Variants in DSG2 observed in about 807,000 individuals in gnomAD.
DSG2 encodes the protein desmoglein-2.
In DSG2, 45 loss-of-function variants were observed where a neutral mutation model predicts 75.6. The observed-to-expected ratio is 0.60, with a 90% confidence interval of 0.47 to 0.76. The LOEUF is 0.76. Ranked by LOEUF, DSG2 falls within the 30% of genes least tolerant of loss-of-function variation. The probability of loss-of-function intolerance (pLI) is 0.00; values close to 1 mark genes in which losing one functional copy is unlikely to be tolerated. For missense variants in DSG2, 1,267 were observed against 1,357.4 expected, an observed-to-expected ratio of 0.93 and a Z score of 1.05; for synonymous variants, 429 against 483.9, an observed-to-expected ratio of 0.89 and a Z score of 1.49.
Position 31,522,123 on chromosome 18 carries a change from G to T in DSG2, c.564G>T (p.Glu188Asp). 6.2e-7 allele frequency: 1 copy of T among 1,613,876 alleles called. No individual in the cohort carries two copies. Among genetic ancestry groups the T allele is most frequent in the Non-Finnish European group, 8.5e-7 (1 of 1,179,850 alleles). ...AAATCAATGCAACAGATGCAGATGA[G>T]CCCAATACCCTGAATTCGAAAATTT... ...VMKINATDAD[E>D]PNTLNSKISY... The change falls in exon 6 of 15, where the codon GAG becomes GAT. Residue 188 changes from glutamate (E) to aspartate (D), a missense_variant. By Grantham distance (45) the Glu-to-Asp change is conservative. Coordinates refer to ENST00000261590, the MANE Select transcript of DSG2 (RefSeq NM_001943.5).
At position 31,524,930 on chromosome 18, in the gene DSG2, G is replaced by A. The variant is rs777712010; in HGVS notation, c.1014+42G>A. ...CAAAACTGGCGTGGGCCAAGTTGGT[G>A]CTGGAAAGGAATCTAATATATTTTG... On this transcript the variant is annotated intron_variant, in intron 8 of 14. Transcript: ENST00000261590. The A allele has an allele frequency of 4.2e-5, 67 of 1,581,002 alleles. No homozygotes were observed. In the Admixed American group the frequency reaches 1.1e-3, roughly 26 times the overall value.
chr18:31,513,591 T>G (rs1323392441), intron 1 of DSG2, among the ~76,000 whole-genome samples: 1 of 152,172 alleles, frequency 6.6e-6, no homozygotes, highest in African/African-American at 2.4e-5. Context: ...AAAATGCCAA[T>G]AAGCTAGACA....
At chr18:31,519,989 T>G in intron 3 of DSG2, 52 bp downstream of exon 3, 1 of 1,610,732 alleles carries the variant, frequency 6.2e-7, no homozygotes, top group African/African-American at 1.3e-5. Flanking sequence ...AAATGTGGTG[T>G]GAGAGGACTT....
intron 1 of DSG2, among the ~76,000 whole-genome samples, chr18:31,505,818 C>T (rs1016522291): frequency 7.2e-5 from 11 of 151,898 alleles, no homozygotes; most frequent in African/African-American, 1.9e-4. Flanking sequence ...CACGCCACCA[C>T]GCCCATCTAA....
chr18:31,538,630 G>T, intron 11 of DSG2, 121 bp from the exon 12 acceptor site: 1 of 869,298 alleles, frequency 1.2e-6, no homozygotes, highest in South Asian at 1.4e-5. Flanking sequence ...AGTGAAGGAA[G>T]AACAAAGTAC....
chr18:31,541,190 C>T lies in DSG2; in HGVS notation c.1880-3C>T, dbSNP rs2073264462. The T allele has an allele frequency of 6.2e-7, 1 of 1,613,996 alleles. No individual in the cohort carries two copies. Among genetic ancestry groups the T allele is most frequent in the African/African-American group, 1.3e-5 (1 of 74,924 alleles). On this transcript the variant is annotated splice_region_variant and splice_polypyrimidine_tract_variant and intron_variant, in intron 12 of 14. Transcript: ENST00000261590. ...ATCTGTGTTCAATTTTGTGTCTGTA[C>T]AGTGGTACCACTTTTACTGCTGATG...
At chr18:31,542,879 G>T in intron 14 of DSG2, 27 bp downstream of exon 14, 1 of 1,066,580 alleles carries the variant, frequency 9.4e-7, no homozygotes, top group East Asian at 3.5e-5. Context: ...TGTATTGGTG[G>T]TGGGGGGTGG....
Position 31,524,441 on chromosome 18 carries a change from T to A in DSG2, c.691-7T>A. The stretch of plus-strand genomic sequence containing the variant: ...CACCCAGCTGGACATTTTTCATTGC[T>A]CTGCAGGAACACAGCAGCTACACTT... On this transcript the variant is annotated splice_region_variant and splice_polypyrimidine_tract_variant and intron_variant, in intron 6 of 14. Coordinates refer to ENST00000261590, the MANE Select transcript of DSG2 (RefSeq NM_001943.5). The A allele has an allele frequency of 6.2e-7, 1 of 1,614,114 alleles. No individual in the cohort carries two copies. Among genetic ancestry groups the A allele is most frequent in the Non-Finnish European group, 8.5e-7 (1 of 1,179,998 alleles).
intron 1 of DSG2, among the ~76,000 whole-genome samples, chr18:31,508,244 G>T (rs2073049027): frequency 6.6e-6 from 1 of 152,074 alleles, no homozygotes; most frequent in Non-Finnish European, 1.5e-5. Context: ...TAAACCAGGG[G>T]AAAACACTAC....
At chr18:31,531,926 G>A (rs1037692241) in intron 9 of DSG2, among the ~76,000 whole-genome samples, 8 of 152,262 alleles carry the variant, frequency 5.3e-5, no homozygotes, top group African/African-American at 1.2e-4. Context: ...GCCGTGCCAC[G>A]GAAAGACCAT....
intron 1 of DSG2, among the ~76,000 whole-genome samples, chr18:31,507,386 A>G (rs1430808844): frequency 6.6e-6 from 1 of 152,204 alleles, no homozygotes; most frequent in Non-Finnish European, 1.5e-5. Flanking sequence ...CTCAATAAAC[A>G]TATGTGTGCA....
At chr18:31,543,483 A>T (rs573508727) in intron 14 of DSG2, 1 of 152,382 alleles carries the variant, frequency 6.6e-6, no homozygotes, top group South Asian at 2.1e-4. Flanking sequence ...CCACCAAAAA[A>T]TGATGAGAAA....
intron 14 of DSG2, among the ~76,000 whole-genome samples, chr18:31,545,195 G>A (rs1204145622): frequency 6.6e-6 from 1 of 152,120 alleles, no homozygotes; most frequent in Non-Finnish European, 1.5e-5. Context: ...TTTTGATTTG[G>A]AAGTAATTTC....
At chr18:31,543,059 T>G in intron 14 of DSG2, 7 of 481,110 alleles carry the variant, frequency 1.5e-5, no homozygotes, top group Non-Finnish European at 7.2e-6. Flanking sequence ...TATGCTGCAG[T>G]AACCATGATC....
intron 1 of DSG2, among the ~76,000 whole-genome samples, chr18:31,507,987 A>T (rs964347402): frequency 2.0e-5 from 3 of 152,176 alleles, no homozygotes; most frequent in Admixed American, 2.0e-4. Flanking sequence ...TGTTTTAGTC[A>T]TGAAGTCTTT....
Position 31,531,247 on chromosome 18 carries a change from T to C in DSG2, c.1275T>C (p.His425=), listed in dbSNP as rs2073197101. Residue 425 remains histidine, a synonymous_variant, in exon 9 of 15, where the codon CAT becomes CAC. Transcript: ENST00000261590. ...AFDEDTGLPA[H]ARYVKLEDRD... is the part of the protein sequence containing the mutation. ...ATGAGGACACTGGACTACCAGCCCA[T>C]GCAAGGTAAGAGAGAGTGACACGTG... 6.2e-7 allele frequency: 1 copy of C among 1,614,162 alleles called. No individual in the cohort carries two copies. Among genetic ancestry groups the C allele is most frequent in the Non-Finnish European group, 8.5e-7 (1 of 1,180,002 alleles).
rs1438802613 is a variant in DSG2 at position 31,535,345 on chromosome 18, T to C, written c.1356T>C (p.Leu452=). 1 of 1,610,698 alleles carries C rather than the reference T, an allele frequency of 6.2e-7. No homozygotes were observed. The highest frequency in any genetic ancestry group is 1.1e-5 in the South Asian group (1 of 90,844). ...SVTSEIKLAK[L]PDFESRYVQN... ...CATCTGAAATTAAACTTGCAAAACT[T>C]CCTGATTTTGAATCTAGATATGTTC... Residue 452 remains leucine, a synonymous_variant, in exon 10 of 15, where the codon CTT becomes CTC. Coordinates refer to ENST00000261590, the MANE Select transcript of DSG2 (RefSeq NM_001943.5).
rs762894860 is a variant in DSG2, at chr18:31,498,314, G to A, written c.45+18G>A. 3.2e-6 allele frequency: 4 copies of A among 1,258,184 alleles called. No individual in the cohort carries two copies. Among genetic ancestry groups the A allele is most frequent in the Non-Finnish European group, 4.0e-6 (4 of 994,474 alleles). The allele number at this position is 1,258,184 out of a possible 1,614,324, so 77.9% of individuals were successfully genotyped here. A position where few individuals can be genotyped will look rare whatever the true frequency, so the allele number is the denominator to read the frequency against. ...TTCTCCTGGTAAGTGCCGCAAGCGG[G>A]ACAGGGGAGCCACCGCCGGGGAGGG... On this transcript the variant is annotated intron_variant, in intron 1 of 14. Transcript: ENST00000261590.
rs2073316010 is a variant in DSG2 at position 31,546,839 on chromosome 18, CAG to C, written c.*100_*101del. On this transcript the variant is annotated 3_prime_UTR_variant, in exon 15 of 15. Transcript: ENST00000261590. ...ATTTTTCATGAGCCTTACAGACACA[CAG>C]AGACACATACACATTGATCTTAAAA... 1 of 1,328,942 alleles carries C rather than the reference CAG, an allele frequency of 7.5e-7. No homozygotes were observed. The highest frequency in any genetic ancestry group is 1.5e-5 in the African/African-American group (1 of 68,600). The allele number at this position is 1,328,942 out of a possible 1,614,324, so 82.3% of individuals were successfully genotyped here.
Sources: allele counts gnomAD v4.1 joint callset (sites outside exome capture counted in the v4.1 genomes callset), GRCh38; gene constraint gnomAD v4.1.1; transcripts MANE v1.5; gene names NCBI Gene and HGNC (gene_info 2026-07-23, HGNC 2026-07-21).